DSCAML1: variants seen among roughly 807,000 people sequenced by gnomAD.
DSCAML1 encodes DS cell adhesion molecule like 1.
Under a neutral mutation model 200.5 loss-of-function variants are expected in DSCAML1, and 38 were observed. The observed-to-expected ratio is 0.19, with a 90% CI of 0.15 to 0.25. DSCAML1 has a LOEUF of 0.25. Among genes scored for constraint, DSCAML1 ranks in the 10% least tolerant of loss-of-function variants. The pLI is 1.00. For synonymous variants in DSCAML1, 1,215 were observed against 1,165.0 expected, an observed-to-expected ratio of 1.04 and a Z score of -0.87; for missense variants, 2,223 against 2,858.8, an observed-to-expected ratio of 0.78 and a Z score of 5.07.
rs369012339 is a variant in DSCAML1 at position 117,431,758 on chromosome 11, C to T, written c.5180-30G>A. On this transcript the variant is annotated intron_variant, in intron 30 of 32. Transcript: ENST00000651296. The stretch of plus-strand genomic sequence containing the variant: ...ACAGACAGAAGCAAGAAATTGCATC[C>T]TCCAACCAAAGGCACCCAGGCTTGG... The T allele has an allele frequency of 1.3e-5, 20 of 1,504,062 alleles. No homozygotes were observed. The East Asian group carries it at 4.8e-4, about 36-fold the overall frequency. The allele number at this position is 1,504,062 out of a possible 1,614,324, so 93.2% of individuals were successfully genotyped here. A position where few individuals can be genotyped will look rare whatever the true frequency, so the allele number is the denominator to read the frequency against.
At position 117,556,432 on chromosome 11, in the gene DSCAML1, A is replaced by G. The variant is rs1245214204; in HGVS notation, c.512-23910T>C. Among the ~76,000 whole-genome samples, 3 of 152,140 alleles carry G rather than the reference A, an allele frequency of 2.0e-5. No individual in the cohort carries two copies. In the East Asian group the frequency reaches 5.8e-4, roughly 29 times the overall value. On this transcript the variant is annotated intron_variant, in intron 3 of 32. Coordinates refer to ENST00000651296, the MANE Select transcript of DSCAML1 (RefSeq NM_020693.4). ...AGGATGAACTAGGTTATATTTACAG[A>G]GACAGAGAGAAAGAAACTGGAGACC...
At chr11:117,524,618 CA>C (rs2049941326) in intron 5 of DSCAML1, among the ~76,000 whole-genome samples, 186 bp downstream of exon 5, 1 of 152,246 alleles carries the variant, frequency 6.6e-6, no homozygotes. Context: ...ATGCCAGAAA[CA>C]AAAGGCAGGC....
At chr11:117,673,143 T>C (rs1201551105) in intron 3 of DSCAML1, among the ~76,000 whole-genome samples, 2 of 152,214 alleles carry the variant, frequency 1.3e-5, no homozygotes, top group Non-Finnish European at 2.9e-5. Flanking sequence ...CATGACGCCC[T>C]TGGCCCTTGC....
intron 1 of DSCAML1, among the ~76,000 whole-genome samples, chr11:117,805,487 T>C (rs776920549): frequency 1.3e-5 from 2 of 152,240 alleles, no homozygotes; most frequent in Non-Finnish European, 1.5e-5. Context: ...TATGGTCAAA[T>C]AGGTTTGGAA....
At chr11:117,614,953 G>A (rs527564597) in intron 3 of DSCAML1, among the ~76,000 whole-genome samples, 11 of 152,306 alleles carry the variant, frequency 7.2e-5, no homozygotes, top group Admixed American at 3.3e-4. Context: ...AGGGCAGGGC[G>A]GGGACCTCTG....
chr11:117,610,373 C>T (rs142395665), intron 3 of DSCAML1, among the ~76,000 whole-genome samples: 12 of 152,314 alleles, frequency 7.9e-5, no homozygotes, highest in Non-Finnish European at 1.5e-4. Flanking sequence ...TCCAGTCCTA[C>T]GAACAGGTAG....
At chr11:117,615,837 AAG>A (rs1220427287) in intron 3 of DSCAML1, among the ~76,000 whole-genome samples, 1 of 152,096 alleles carries the variant, frequency 6.6e-6, no homozygotes, top group African/African-American at 2.4e-5. Context: ...TGGGTCTTTG[AAG>A]AGTGTTCAGT....
intron 27 of DSCAML1, among the ~76,000 whole-genome samples, chr11:117,434,703 TTCCATTCAACCATTTATTCAGTGA>T (rs1234393236): frequency 6.6e-6 from 1 of 152,132 alleles, no homozygotes; most frequent in African/African-American, 2.4e-5. Flanking sequence ...CTATACATCC[TTCCATTCAACCATTTATTCAGTGA>T]TCCATTCAAC....
Position 117,438,041 on chromosome 11 carries a change from T to C in DSCAML1, c.4286A>G (p.Lys1429Arg). ...QYSVDNSEEW[K>R]DVFISSSERS... ...CTCGCTGGAGCTGATGAACACATCC[T>C]TCCACTCCTCGCTGTTGTCCACCGA... The change falls in exon 25 of 33, where the codon AAG becomes AGG. Residue 1429 changes from lysine to arginine, a missense_variant. Lys to Arg is a conservative substitution (Grantham distance 26, BLOSUM62 2). This residue lies in a region of DSCAML1 where 614 missense variants were observed against 739.1 expected (regional missense o/e 0.83). Coordinates refer to ENST00000651296, the MANE Select transcript of DSCAML1 (RefSeq NM_020693.4). The C allele has an allele frequency of 6.2e-7, 1 of 1,614,048 alleles. No individual in the cohort carries two copies. Among genetic ancestry groups the C allele is most frequent in the Non-Finnish European group, 8.5e-7 (1 of 1,179,972 alleles).
intron 26 of DSCAML1, among the ~76,000 whole-genome samples, chr11:117,436,557 T>C (rs573364482): frequency 1.3e-5 from 2 of 152,274 alleles, no homozygotes; most frequent in South Asian, 2.1e-4. Flanking sequence ...CACGTGTGTA[T>C]GTATCCCCAT....
Position 117,428,616 on chromosome 11 carries a change from T to C in DSCAML1, c.5874A>G (p.Pro1958=), listed in dbSNP as rs528065520. Residue 1958 remains proline (P), a synonymous_variant, in exon 33 of 33, where the codon CCA becomes CCG. Transcript: ENST00000651296. ...CTGTGGAGGCGGCAGCGGGGGCCCC[T>C]GGGTGGGGAAGGCCCAAGGACTTGC... ...PASKSLGLPH[P]GAPAAASTAT... is the part of the protein sequence containing the mutation. 3.1e-6 allele frequency: 5 copies of C among 1,608,166 alleles called. No individual in the cohort carries two copies. The highest frequency in any genetic ancestry group is 1.3e-5 in the African/African-American group (1 of 74,758).
At chr11:117,671,840 G>A (rs913515428) in intron 3 of DSCAML1, among the ~76,000 whole-genome samples, 5 of 152,018 alleles carry the variant, frequency 3.3e-5, no homozygotes, top group African/African-American at 7.3e-5. Flanking sequence ...GGGCCGGCGC[G>A]GTGGCTCACG....
At chr11:117,767,762 A>G (rs2054925864) in intron 3 of DSCAML1, among the ~76,000 whole-genome samples, 1 of 152,212 alleles carries the variant, frequency 6.6e-6, no homozygotes. Flanking sequence ...GCTCTGGTCC[A>G]TGCCCAAGCC....
chr11:117,750,897 T>C (rs1487859740), intron 3 of DSCAML1, among the ~76,000 whole-genome samples: 4 of 152,140 alleles, frequency 2.6e-5, no homozygotes, highest in African/African-American at 9.7e-5. Flanking sequence ...TAGGTTTCCA[T>C]GGGCAGGATG....
At chr11:117,634,479 G>A (rs565801038) in intron 3 of DSCAML1, among the ~76,000 whole-genome samples, 30 of 152,350 alleles carry the variant, frequency 2.0e-4, no homozygotes, top group Non-Finnish European at 3.7e-4. Flanking sequence ...GCTCCTAGAT[G>A]AAGCTTTAGG....
chr11:117,436,454 C>T (rs1426985238), intron 26 of DSCAML1, among the ~76,000 whole-genome samples: 5 of 152,162 alleles, frequency 3.3e-5, no homozygotes, highest in African/African-American at 4.8e-5. Flanking sequence ...TTCCTTAACA[C>T]ATAGGTAGAC....
At chr11:117,513,577 C>A (rs1391535265) in intron 8 of DSCAML1, among the ~76,000 whole-genome samples, 1 of 151,998 alleles carries the variant, frequency 6.6e-6, no homozygotes, top group Non-Finnish European at 1.5e-5. Flanking sequence ...CCCATCTCTA[C>A]TAAAAATACA....
intron 8 of DSCAML1, among the ~76,000 whole-genome samples, chr11:117,515,610 CTTTTTTTTTTTTTTTT>C (rs56765238): frequency 9.2e-5 from 6 of 65,134 alleles, no homozygotes; most frequent in South Asian, 6.1e-4. Flanking sequence ...AGGGACGAAG[CTTTTTTTTTTTTTTTT>C]TTTTTTTTTT....
chr11:117,433,011 G>T, intron 29 of DSCAML1, 127 bp downstream of exon 29: 1 of 774,438 alleles, frequency 1.3e-6, no homozygotes, highest in Non-Finnish European at 2.2e-6. Context: ...TAAGGTTGTT[G>T]AGTGGTTGAT....
Sources: gnomAD v4.1 joint callset for allele counts (sites outside exome capture counted in the v4.1 genomes callset) on GRCh38, gnomAD v4.1.1 for gene constraint, gnomAD v4.1.1 regional missense constraint, MANE v1.5 for transcripts, NCBI Gene and HGNC (gene_info 2026-07-23, HGNC 2026-07-21) for gene names.